Variants in ADAMDEC1 observed in about 807,000 individuals in gnomAD.
ADAMDEC1 encodes ADAM like decysin 1.
A neutral mutation model predicts 60.4 loss-of-function variants in ADAMDEC1; 62 were observed. The observed-to-expected ratio is 1.03, with a 90% CI of 0.84 to 1.27. The LOEUF is 1.27. Among genes scored for constraint, ADAMDEC1 ranks in the 50% most tolerant of loss-of-function variants. ADAMDEC1 has a pLI of 0.00. For synonymous variants in ADAMDEC1, 210 were observed against 195.1 expected (o/e 1.08, Z -0.64); for missense variants, 595 against 565.0 (o/e 1.05, Z -0.54).
chr8:24,403,893 T>G (rs1355621734), intron 12 of ADAMDEC1, 110 bp from the exon 13 acceptor site: 5 of 792,198 alleles, frequency 6.3e-6, no homozygotes, highest in Non-Finnish European at 1.0e-5. Flanking sequence ...TCAGAGTAAT[T>G]TACCTTAAAA....
chr8:24,402,166 ATTCT>A, intron 12 of ADAMDEC1, 74 bp downstream of exon 12: 2 of 1,356,604 alleles, frequency 1.5e-6, no homozygotes, highest in Non-Finnish European at 2.0e-6. Context: ...TCTTTTGGAA[ATTCT>A]TTCTAAAGAC....
chr8:24,399,622 G>T, intron 10 of ADAMDEC1, 148 bp downstream of exon 10: 1 of 723,408 alleles, frequency 1.4e-6, no homozygotes, highest in Non-Finnish European at 2.4e-6. Flanking sequence ...TTGCACTGAA[G>T]ATCCCTTGGG....
intron 13 of ADAMDEC1, among the ~76,000 whole-genome samples, chr8:24,405,038 C>A (rs1487552800): frequency 6.6e-6 from 1 of 152,086 alleles, no homozygotes; most frequent in Admixed American, 6.5e-5. Context: ...CAATTTATAC[C>A]ATGGAAGAAA....
chr8:24,388,098 G>C (rs75318144), intron 1 of ADAMDEC1: 12 of 152,564 alleles, frequency 7.9e-5, no homozygotes, highest in African/African-American at 2.9e-4. Flanking sequence ...ATAAGTAGAT[G>C]AGCCTGTTTA....
intron 12 of ADAMDEC1, 53 bp from the exon 13 acceptor site, chr8:24,403,950 T>C (rs1320565453): frequency 4.1e-6 from 6 of 1,466,026 alleles, no homozygotes; most frequent in Non-Finnish European, 5.7e-6. Context: ...TCACCTAGTC[T>C]ATGGGAAGAA....
intron 4 of ADAMDEC1, among the ~76,000 whole-genome samples, chr8:24,395,491 T>G (rs76343167): frequency 0.026 from 3,922 of 152,290 alleles, 163 homozygotes; most frequent in African/African-American, 0.09. Context: ...CCACCAAATA[T>G]AGAGAGTTTC....
At position 24,395,769 on chromosome 8, in the gene ADAMDEC1, C is replaced by T; in HGVS notation, c.413C>T (p.Ala138Val). Residue 138 changes from alanine to valine, a missense_variant, in exon 5 of 14, where the codon GCC (alanine) becomes GTC (valine). Ala to Val is a moderately conservative substitution (Grantham distance 64). Coordinates refer to ENST00000256412, the MANE Select transcript of ADAMDEC1 (RefSeq NM_014479.3). ...ATCCTAAATGAAAAGAATTCTGTTG[C>T]CAGCATCAGTACTTGTGACGGGTTG... Reference protein sequence around the residue: ...GNILNEKNSVASISTCDGLRG... With the variant: ...GNILNEKNSVVSISTCDGLRG... 6.2e-7 allele frequency: 1 copy of T among 1,613,486 alleles called. No homozygotes were observed. The highest frequency in any genetic ancestry group is 8.5e-7 in the Non-Finnish European group (1 of 1,179,736).
intron 7 of ADAMDEC1, 146 bp downstream of exon 7, chr8:24,397,891 A>G (rs1817657247): frequency 1.5e-6 from 1 of 674,898 alleles, no homozygotes; most frequent in African/African-American, 1.8e-5. Flanking sequence ...CCTTGCCAGC[A>G]ATAGTTATCT....
Position 24,397,320 on chromosome 8 carries a change from G to A in ADAMDEC1, c.491G>A (p.Ser164Asn). 6.2e-7 allele frequency: 1 copy of A among 1,613,918 alleles called. No homozygotes were observed. Among genetic ancestry groups the A allele is most frequent in the East Asian group, 2.2e-5 (1 of 44,852 alleles). The change falls in exon 6 of 14, where the codon AGC becomes AAC. Residue 164 changes from serine (S) to asparagine (N), a missense_variant. Ser to Asn is a conservative substitution (Grantham distance 46). Transcript: ENST00000256412. ...HQRYQIKPLK[S>N]TDEKEHAVFT... ...AGATACCAGATAAAACCTCTGAAAA[G>A]CACAGACGAGAAAGAACATGCCGTC... is the stretch of plus-strand genomic sequence containing the variant.
Position 24,398,471 on chromosome 8 carries a change from AT to A in ADAMDEC1, c.691-5del. On this transcript the variant is annotated splice_polypyrimidine_tract_variant and splice_region_variant and intron_variant, in intron 7 of 13. Transcript: ENST00000256412. ...TATTTCACTATACTTTGTGTTTTGT[AT>A]TTTACAGTATAAGAACTATAATGAG... 1 of 1,526,466 alleles carries A rather than the reference AT, an allele frequency of 6.6e-7. No homozygotes were observed. The highest frequency in any genetic ancestry group is 9.0e-7 in the Non-Finnish European group (1 of 1,109,924). 94.6% of individuals were successfully genotyped at this position (1,526,466 alleles called of 1,614,324 possible).
Position 24,384,556 on chromosome 8 carries a change from C to T in ADAMDEC1, c.52C>T (p.Leu18=). 1.2e-6 allele frequency: 2 copies of T among 1,611,352 alleles called. No individual in the cohort carries two copies. The highest frequency in any genetic ancestry group is 8.5e-7 in the Non-Finnish European group (1 of 1,178,766). Residue 18 remains leucine, a synonymous_variant, in exon 1 of 14, where the codon CTG becomes TTG. Transcript: ENST00000256412. ...TGCAGTGGCCACCATGTCTTGGGTC[C>T]TGCTGCCTGTACTTTGGCTCATTGT... ...LPAVATMSWV[L]LPVLWLIVQT...
chr8:24,385,355 G>A (rs981053247), intron 1 of ADAMDEC1, among the ~76,000 whole-genome samples: 6 of 152,016 alleles, frequency 3.9e-5, no homozygotes, highest in Admixed American at 6.6e-5. Flanking sequence ...GCACACATAC[G>A]GCTGGCTCTA....
chr8:24,384,457 A>G lies in ADAMDEC1; in HGVS notation c.-48A>G, dbSNP rs756714008. 6.9e-7 allele frequency: 1 copy of G among 1,451,508 alleles called. No individual in the cohort carries two copies. The highest frequency in any genetic ancestry group is 9.3e-7 in the Non-Finnish European group (1 of 1,070,800). 89.9% of individuals were successfully genotyped at this position (1,451,508 alleles called of 1,614,324 possible). A position where few individuals can be genotyped will look rare whatever the true frequency, so the allele number is the denominator to read the frequency against. On this transcript the variant is annotated 5_prime_UTR_variant, in exon 1 of 14. Coordinates refer to ENST00000256412, the MANE Select transcript of ADAMDEC1 (RefSeq NM_014479.3). ...TTTAATTTTCTTGTTCAACTTCTAA[A>G]GAGAAATTGGAGAAGATAAAACTGG...
chr8:24,399,975 A>T (rs923517152), intron 10 of ADAMDEC1, among the ~76,000 whole-genome samples, 195 bp from the exon 11 acceptor site: 1 of 152,188 alleles, frequency 6.6e-6, no homozygotes, highest in Non-Finnish European at 1.5e-5. Context: ...AGTTCAACAA[A>T]TATTTATTGA....
chr8:24,394,715 G>T (rs915869204), intron 4 of ADAMDEC1, among the ~76,000 whole-genome samples: 4 of 151,776 alleles, frequency 2.6e-5, no homozygotes, highest in East Asian at 1.9e-4. Flanking sequence ...ATCCTACAAG[G>T]TACCCTAAAC....
chr8:24,398,217 C>T (rs926896042), intron 7 of ADAMDEC1, among the ~76,000 whole-genome samples: 11 of 151,578 alleles, frequency 7.3e-5, no homozygotes, highest in African/African-American at 2.2e-4. Context: ...GGTTTAAAAA[C>T]CTAAAAATTG....
At chr8:24,384,628 CA>C in intron 1 of ADAMDEC1, 36 bp downstream of exon 1, 1 of 1,550,742 alleles carries the variant, frequency 6.4e-7, no homozygotes, top group Non-Finnish European at 8.8e-7. Flanking sequence ...ACATAAAAGT[CA>C]AATTATTTGA....
chr8:24,393,997 A>T, intron 3 of ADAMDEC1, 72 bp from the exon 4 acceptor site: 1 of 956,558 alleles, frequency 1.0e-6, no homozygotes, highest in Non-Finnish European at 1.7e-6. Flanking sequence ...TCACTATTTT[A>T]GTGCTGAAGT....
At chr8:24,394,244 T>C in intron 4 of ADAMDEC1, 97 bp downstream of exon 4, 1 of 932,800 alleles carries the variant, frequency 1.1e-6, no homozygotes, top group Non-Finnish European at 1.6e-6. Context: ...AATTATTTTA[T>C]AAAATTCATA....
Sources: allele counts gnomAD v4.1 joint callset (sites outside exome capture counted in the v4.1 genomes callset), GRCh38; gene constraint gnomAD v4.1.1; transcripts MANE v1.5; gene names NCBI Gene and HGNC (gene_info 2026-07-23, HGNC 2026-07-21).